The following TMEM132D variants were observed in gnomAD, a reference collection of about 807,000 sequenced individuals.
TMEM132D encodes transmembrane protein 132D.
A neutral mutation model predicts 62.3 loss-of-function variants in TMEM132D; 21 were observed. The observed-to-expected ratio is 0.34, with a 90% CI of 0.24 to 0.49. TMEM132D has a LOEUF of 0.49. Ranked by LOEUF, TMEM132D falls within the 20% of genes least tolerant of loss-of-function variation. TMEM132D has a pLI of 0.99. For synonymous variants in TMEM132D, 621 were observed against 575.6 expected, an observed-to-expected ratio of 1.08 and a Z score of -1.13; for missense variants, 1,346 against 1,402.8, an observed-to-expected ratio of 0.96 and a Z score of 0.65.
intron 3 of TMEM132D, among the ~76,000 whole-genome samples, chr12:129,385,123 T>A (rs1051284021): frequency 1.4e-5 from 2 of 144,598 alleles, no homozygotes; most frequent in Admixed American, 1.4e-4. Context: ...AGACGTCGTT[T>A]TGCTCTTGTC....
rs202229536 is a variant in TMEM132D, at chr12:129,137,220, TCAC to T, written c.1444-52521_1444-52519del. 6.9e-3 allele frequency among the ~76,000 whole-genome samples: 1,040 copies of T among 150,998 alleles called. 37 individuals carry two copies. The highest frequency in any genetic ancestry group is 0.063 in the East Asian group (309 of 4,928). ...ACCATCATCATCACCATCATCATCA[TCAC>T]CATCACAATCATCATTGTCAACATT... On this transcript the variant is annotated intron_variant, in intron 5 of 8. Coordinates refer to ENST00000422113, the MANE Select transcript of TMEM132D (RefSeq NM_133448.3).
chr12:129,579,461 G>T (rs1277094477), intron 2 of TMEM132D, among the ~76,000 whole-genome samples: 1 of 152,162 alleles, frequency 6.6e-6, no homozygotes, highest in African/African-American at 2.4e-5. Context: ...GCCAGTGGTG[G>T]CTCAGTCTGA....
intron 1 of TMEM132D, among the ~76,000 whole-genome samples, chr12:129,745,351 C>T (rs1366835629): frequency 1.3e-5 from 2 of 152,160 alleles, no homozygotes; most frequent in African/African-American, 4.8e-5. Flanking sequence ...AAAGTCAACA[C>T]CCGCAAATGC....
At chr12:129,506,219 G>A (rs1176606013) in intron 3 of TMEM132D, among the ~76,000 whole-genome samples, 1 of 152,108 alleles carries the variant, frequency 6.6e-6, no homozygotes, top group Non-Finnish European at 1.5e-5. Flanking sequence ...TGCTGGTTTG[G>A]TCGTAGCAAA....
intron 4 of TMEM132D, among the ~76,000 whole-genome samples, chr12:129,323,477 C>T (rs1336755757): frequency 1.3e-5 from 2 of 151,962 alleles, no homozygotes; most frequent in African/African-American, 2.4e-5. Flanking sequence ...GCTGGTGAAC[C>T]GAAGAAAATT....
chr12:129,698,909 C>T (rs778698677), intron 2 of TMEM132D, among the ~76,000 whole-genome samples: 1 of 152,084 alleles, frequency 6.6e-6, no homozygotes, highest in Non-Finnish European at 1.5e-5. Context: ...TATAAGCCCA[C>T]ATATGAAACA....
rs550241766 is a variant in TMEM132D, at chr12:129,670,081, G to C, written c.968+29729C>G. On this transcript the variant is annotated intron_variant, in intron 2 of 8. Coordinates refer to ENST00000422113, the MANE Select transcript of TMEM132D (RefSeq NM_133448.3). ...AGATTAAGGTGTTATAAAACCCAAA[G>C]GGAGGGATTGAAACCACCTTTGCAA... Among the ~76,000 whole-genome samples the C allele has an allele frequency of 2.6e-4, 39 of 152,250 alleles. No individual in the cohort carries two copies. In the South Asian group the frequency reaches 8.1e-3, roughly 32 times the overall value.
chr12:129,886,764 G>A (rs1426714272), intron 1 of TMEM132D, among the ~76,000 whole-genome samples: 3 of 152,160 alleles, frequency 2.0e-5, no homozygotes, highest in Admixed American at 6.5e-5. Context: ...ACCTCCACGT[G>A]TCGTGGAAGG....
At chr12:129,395,438 T>A (rs916991559) in intron 3 of TMEM132D, among the ~76,000 whole-genome samples, 1 of 152,144 alleles carries the variant, frequency 6.6e-6, no homozygotes, top group African/African-American at 2.4e-5. Context: ...CTTATGGGTA[T>A]ATATTTGGTT....
chr12:129,762,047 A>G (rs1870396349), intron 1 of TMEM132D, among the ~76,000 whole-genome samples: 1 of 152,188 alleles, frequency 6.6e-6, no homozygotes, highest in Non-Finnish European at 1.5e-5. Context: ...GATAAAGATG[A>G]GACATGAAGA....
chr12:129,359,884 G>C (rs1022379527), intron 3 of TMEM132D, among the ~76,000 whole-genome samples: 2 of 151,372 alleles, frequency 1.3e-5, no homozygotes, highest in African/African-American at 4.9e-5. Context: ...ATAAGGATAA[G>C]AATTCAGAGA....
intron 5 of TMEM132D, among the ~76,000 whole-genome samples, chr12:129,197,399 C>T (rs1176465513): frequency 6.6e-6 from 1 of 152,118 alleles, no homozygotes; most frequent in Non-Finnish European, 1.5e-5. Flanking sequence ...TGCATCAGAA[C>T]TCTCTGTGTC....
intron 1 of TMEM132D, among the ~76,000 whole-genome samples, chr12:129,862,853 C>A (rs1239198020): frequency 2.7e-5 from 4 of 150,280 alleles, no homozygotes; most frequent in Non-Finnish European, 5.9e-5. Context: ...TAAGAAGCAT[C>A]AAGATGAGCT....
At chr12:129,513,787 T>C (rs1485596435) in intron 3 of TMEM132D, among the ~76,000 whole-genome samples, 2 of 150,018 alleles carry the variant, frequency 1.3e-5, no homozygotes, top group Non-Finnish European at 3.0e-5. Flanking sequence ...GCCCGGCCAA[T>C]GGGGACCAAT....
chr12:129,192,567 T>C (rs1003119051), intron 5 of TMEM132D, among the ~76,000 whole-genome samples: 7 of 152,216 alleles, frequency 4.6e-5, no homozygotes, highest in Non-Finnish European at 8.8e-5. Flanking sequence ...AAATACCCCT[T>C]TTGGATAAAT....
intron 3 of TMEM132D, among the ~76,000 whole-genome samples, chr12:129,361,697 G>A (rs957920738): frequency 3.3e-5 from 5 of 152,144 alleles, no homozygotes; most frequent in African/African-American, 1.2e-4. Flanking sequence ...ATTGCAAAGG[G>A]ATATTTAGAA....
At chr12:129,551,543 T>G (rs1273069910) in intron 2 of TMEM132D, among the ~76,000 whole-genome samples, 2 of 152,154 alleles carry the variant, frequency 1.3e-5, no homozygotes, top group Non-Finnish European at 2.9e-5. Flanking sequence ...AAATCCAGAT[T>G]TTTGGCTTGT....
intron 4 of TMEM132D, among the ~76,000 whole-genome samples, chr12:129,304,538 T>C (rs977122600): frequency 6.6e-6 from 1 of 151,782 alleles, no homozygotes; most frequent in Admixed American, 6.6e-5. Context: ...TATCCTGGTG[T>C]CACCATGCAA....
chr12:129,429,603 C>CT (rs1198269523), intron 3 of TMEM132D, among the ~76,000 whole-genome samples: 21 of 147,616 alleles, frequency 1.4e-4, no homozygotes, highest in Non-Finnish European at 2.7e-4. Context: ...TTTTAATATA[C>CT]TTTAAGTTTT....
Sources: gnomAD v4.1 joint callset for allele counts (sites outside exome capture counted in the v4.1 genomes callset) on GRCh38, gnomAD v4.1.1 for gene constraint, MANE v1.5 for transcripts, NCBI Gene and HGNC (gene_info 2026-07-23, HGNC 2026-07-21) for gene names.